The following NSG2 variants were observed in gnomAD, a reference collection of about 807,000 sequenced individuals.
NSG2 encodes neuronal vesicle trafficking associated 2, also known as neuronal vesicle trafficking-associated protein 2.
In NSG2, 4 loss-of-function variants were observed where a neutral mutation model predicts 16.9. The observed-to-expected ratio is 0.24, with a 90% confidence interval of 0.12 to 0.54. The LOEUF (loss-of-function observed/expected upper bound fraction) is 0.54, where lower values mean the gene tolerates loss of function less well. Among genes scored for constraint, NSG2 ranks in the 20% least tolerant of loss-of-function variants. NSG2 has a pLI of 0.95. For missense variants in NSG2, 179 were observed against 221.1 expected (o/e 0.81, Z 1.21); for synonymous variants, 98 against 88.7 (o/e 1.11, Z -0.59).
intron 3 of NSG2, among the ~76,000 whole-genome samples, chr5:174,094,968 A>G (rs566977315): frequency 1.2e-4 from 18 of 152,310 alleles, no homozygotes; most frequent in Admixed American, 5.9e-4. Context: ...ATTGTGATCC[A>G]GTGGGCTGAG....
At chr5:174,067,711 A>G (rs534587609) in intron 3 of NSG2, among the ~76,000 whole-genome samples, 1 of 152,326 alleles carries the variant, frequency 6.6e-6, no homozygotes, top group South Asian at 2.1e-4. Context: ...AGGTGGATGC[A>G]GGGAGGCTAG....
At position 174,107,444 on chromosome 5, in the gene NSG2, C is replaced by A; in HGVS notation, c.455C>A (p.Pro152Gln). The A allele has an allele frequency of 6.2e-7, 1 of 1,612,350 alleles. No homozygotes were observed. Among genetic ancestry groups the A allele is most frequent in the Non-Finnish European group, 8.5e-7 (1 of 1,178,870 alleles). ...AKQSTARAIG[P>Q]WLSAAAVIHE... ...CAGAGCACTGCCCGGGCCATCGGGC[C>A]GTGGCTGTCAGCAGCCGCTGTCATC... The change falls in exon 5 of 5, where the codon CCG (proline) becomes CAG (glutamine). Residue 152 changes from proline to glutamine, a missense_variant. Coordinates refer to ENST00000303177, the MANE Select transcript of NSG2 (RefSeq NM_015980.5). The surrounding 1 kb of genome is among the most constrained non-coding windows in gnomAD (Gnocchi z 4.5).
intron 2 of NSG2, among the ~76,000 whole-genome samples, chr5:174,054,339 T>C (rs55932475): frequency 0.14 from 21,351 of 152,268 alleles, 2,096 homozygotes; most frequent in African/African-American, 0.27. Context: ...CTATACTTTT[T>C]ATCTTTTTTT....
chr5:174,098,059 A>G (rs937289367), intron 3 of NSG2, among the ~76,000 whole-genome samples: 2 of 151,896 alleles, frequency 1.3e-5, no homozygotes, highest in African/African-American at 4.8e-5. Context: ...GTGTGCTCCT[A>G]TGGAGGAGGA....
At chr5:174,093,705 G>A (rs773119020) in intron 3 of NSG2, among the ~76,000 whole-genome samples, 1 of 152,234 alleles carries the variant, frequency 6.6e-6, no homozygotes, top group African/African-American at 2.4e-5. Flanking sequence ...GAAGGCAAAT[G>A]TCTGTTTGGC....
chr5:174,107,311 C>A lies in NSG2; in HGVS notation c.325-3C>A, dbSNP rs1458996125. ...CCCCTGACTCTGTCTCTTTCTTCCC[C>A]AGCACAAACGCTGTATCCCAGCCTC... On this transcript the variant is annotated splice_region_variant and splice_polypyrimidine_tract_variant and intron_variant, in intron 4 of 4. Coordinates refer to ENST00000303177, the MANE Select transcript of NSG2 (RefSeq NM_015980.5). This position sits in a 1 kb window ranked among gnomAD's most constrained non-coding sequence, Gnocchi z 4.5. 1 of 1,545,204 alleles carries A rather than the reference C, an allele frequency of 6.5e-7. No individual in the cohort carries two copies. The highest frequency in any genetic ancestry group is 8.8e-7 in the Non-Finnish European group (1 of 1,140,768).
At chr5:174,099,127 C>G (rs1205562892) in intron 3 of NSG2, among the ~76,000 whole-genome samples, 1 of 152,134 alleles carries the variant, frequency 6.6e-6, no homozygotes, top group Non-Finnish European at 1.5e-5. Flanking sequence ...CTGAATTTCA[C>G]AAATCCACCA....
At chr5:174,085,885 A>G (rs1031051086) in intron 3 of NSG2, among the ~76,000 whole-genome samples, 1 of 152,222 alleles carries the variant, frequency 6.6e-6, no homozygotes, top group African/African-American at 2.4e-5. Flanking sequence ...ATGGGGATTA[A>G]TGACATCTTC....
intron 1 of NSG2, 168 bp from the exon 2 acceptor site, chr5:174,046,566 T>C (rs558981821): frequency 3.0e-5 from 18 of 594,082 alleles, no homozygotes; most frequent in Non-Finnish European, 4.6e-5. Context: ...AGAAGTTTTG[T>C]TGGACAATGG....
At chr5:174,095,661 C>T (rs1339277644) in intron 3 of NSG2, among the ~76,000 whole-genome samples, 1 of 152,138 alleles carries the variant, frequency 6.6e-6, no homozygotes, top group Non-Finnish European at 1.5e-5. Flanking sequence ...TTGACAGGTT[C>T]TGGAGATTTG....
At chr5:174,102,106 T>C (rs1760903789) in intron 3 of NSG2, among the ~76,000 whole-genome samples, 1 of 152,164 alleles carries the variant, frequency 6.6e-6, no homozygotes, top group South Asian at 2.1e-4. Context: ...TAGCTTAAAA[T>C]TGAATGTTAC....
intron 3 of NSG2, among the ~76,000 whole-genome samples, chr5:174,075,484 T>A (rs1375904191): frequency 6.6e-6 from 1 of 152,240 alleles, no homozygotes; most frequent in Non-Finnish European, 1.5e-5. Flanking sequence ...CCCTGTTATT[T>A]GCCGAGTGTT....
intron 3 of NSG2, among the ~76,000 whole-genome samples, chr5:174,088,582 T>G (rs934200254): frequency 6.6e-6 from 1 of 152,150 alleles, no homozygotes. Context: ...AAAAAACTCA[T>G]TTGAAACATG....
chr5:174,100,466 C>A (rs968837953), intron 3 of NSG2, among the ~76,000 whole-genome samples: 1 of 152,206 alleles, frequency 6.6e-6, no homozygotes, highest in African/African-American at 2.4e-5. Context: ...TTCCTGGTTA[C>A]ACACGGTAAT....
chr5:174,057,780 C>A (rs2113426270), intron 2 of NSG2, among the ~76,000 whole-genome samples: 1 of 152,330 alleles, frequency 6.6e-6, no homozygotes, highest in Middle Eastern at 3.4e-3. Context: ...TCCCTGGCCA[C>A]TTAAAACTGC....
At chr5:174,090,671 A>C (rs981969440) in intron 3 of NSG2, among the ~76,000 whole-genome samples, 3 of 152,130 alleles carry the variant, frequency 2.0e-5, no homozygotes, top group African/African-American at 7.2e-5. Context: ...GACTCCTCCC[A>C]GGTAAGGTGT....
In NSG2 at chr5:174,073,566, C is replaced by A. The variant is rs187726283; in HGVS notation, c.213+9251C>A. 2.6e-5 allele frequency among the ~76,000 whole-genome samples: 4 copies of A among 152,260 alleles called. No individual in the cohort carries two copies. In the East Asian group the frequency reaches 7.7e-4, roughly 29 times the overall value. ...TGAAGATGCTGGCCTATGTTTTTGT[C>A]CAGGTGCTTTCGCCTGGCTTTGTGA... On this transcript the variant is annotated intron_variant, in intron 3 of 4. Transcript: ENST00000303177.
intron 3 of NSG2, among the ~76,000 whole-genome samples, chr5:174,076,329 C>CTT (rs1382079604): frequency 6.8e-6 from 1 of 147,182 alleles, no homozygotes; most frequent in African/African-American, 2.6e-5. Context: ...TTTTCATAGT[C>CTT]TTTAAAAAAG....
At chr5:174,074,287 C>T (rs1237112944) in intron 3 of NSG2, among the ~76,000 whole-genome samples, 1 of 152,192 alleles carries the variant, frequency 6.6e-6, no homozygotes, top group Non-Finnish European at 1.5e-5. Flanking sequence ...TGTAAGCTAA[C>T]ACAGTTGTTC....
Sources: allele counts gnomAD v4.1 joint callset (sites outside exome capture counted in the v4.1 genomes callset), GRCh38; gene constraint gnomAD v4.1.1; non-coding constraint Gnocchi (gnomAD v3.1); transcripts MANE v1.5; gene names NCBI Gene and HGNC (gene_info 2026-07-23, HGNC 2026-07-21).